Variants in AJAP1 observed in about 807,000 individuals in gnomAD.
The protein encoded by AJAP1 is adherens junctions associated protein 1.
AJAP1 carries 5 observed loss-of-function variants against 35.0 expected under a neutral mutation model. The observed-to-expected ratio is 0.14, with a 90% CI of 0.07 to 0.30. The LOEUF (loss-of-function observed/expected upper bound fraction) is 0.30. Ranked by LOEUF, AJAP1 falls within the 10% of genes least tolerant of loss-of-function variation. AJAP1 has a pLI of 1.00. For synonymous variants in AJAP1, 284 were observed against 249.3 expected, an observed-to-expected ratio of 1.14 and a Z score of -1.31; for missense variants, 586 against 571.0, an observed-to-expected ratio of 1.03 and a Z score of -0.27.
At chr1:4,714,399 C>T (rs1242438554) in intron 2 of AJAP1, among the ~76,000 whole-genome samples, 1 of 152,192 alleles carries the variant, frequency 6.6e-6, no homozygotes, top group African/African-American at 2.4e-5. Context: ...ACTCAGCAGC[C>T]ATCATCATAG....
chr1:4,738,044 A>G (rs1202197066), intron 2 of AJAP1, among the ~76,000 whole-genome samples: 1 of 152,238 alleles, frequency 6.6e-6, no homozygotes, highest in South Asian at 2.1e-4. Flanking sequence ...CCTGGGGGAA[A>G]CAGCTTCCCA....
At chr1:4,665,058 C>G (rs547858813) in intron 1 of AJAP1, among the ~76,000 whole-genome samples, 1 of 151,976 alleles carries the variant, frequency 6.6e-6, no homozygotes, top group Admixed American at 6.6e-5. Context: ...TGGTAAAATG[C>G]GGAAAAAGCC....
chr1:4,711,479 A>G (rs1014848790), intron 1 of AJAP1, among the ~76,000 whole-genome samples: 2 of 152,184 alleles, frequency 1.3e-5, no homozygotes, highest in African/African-American at 4.8e-5. Flanking sequence ...CGCTGCTGCC[A>G]TCCTCTCACT....
intron 1 of AJAP1, among the ~76,000 whole-genome samples, chr1:4,702,179 C>A (rs554574323): frequency 6.6e-6 from 1 of 151,696 alleles, no homozygotes. Context: ...CCCAATATTC[C>A]AGCGTGTCCC....
At chr1:4,664,502 G>T (rs1035482602) in intron 1 of AJAP1, among the ~76,000 whole-genome samples, 9 of 152,172 alleles carry the variant, frequency 5.9e-5, no homozygotes, top group Non-Finnish European at 1.3e-4. Flanking sequence ...GGGCCCAAGG[G>T]TCAGCCCTGC....
At chr1:4,696,638 C>A (rs1313663380) in intron 1 of AJAP1, among the ~76,000 whole-genome samples, 1 of 152,228 alleles carries the variant, frequency 6.6e-6, no homozygotes, top group Non-Finnish European at 1.5e-5. Flanking sequence ...GCAGAGGGAA[C>A]CTTGCAAGGA....
At position 4,792,214 on chromosome 1, in the gene AJAP1, C is replaced by T. The variant is rs959383641; in HGVS notation, c.*9729C>T. On this transcript the variant is annotated 3_prime_UTR_variant, in exon 6 of 6. Coordinates refer to ENST00000378191, the MANE Select transcript of AJAP1 (RefSeq NM_018836.4). ...TCTATACCACAGCTGTCTCTATAGA[C>T]GTATTTATATATCATCTTCTTGAGA... The T allele has an allele frequency of 6.6e-6, 1 of 151,732 alleles. No individual in the cohort carries two copies. Among genetic ancestry groups the T allele is most frequent in the African/African-American group, 2.4e-5 (1 of 41,304 alleles). 9.4% of individuals were successfully genotyped at this position (151,732 alleles called of 1,614,324 possible).
intron 2 of AJAP1, among the ~76,000 whole-genome samples, chr1:4,763,955 C>A (rs1360677740): frequency 2.0e-5 from 3 of 151,650 alleles, no homozygotes; most frequent in Admixed American, 1.3e-4. Context: ...GGTTCTTGGG[C>A]CTTTAGACTC....
In AJAP1 at chr1:4,734,439, G is replaced by A. The variant is rs979675638; in HGVS notation, c.829+21740G>A. 6.6e-6 allele frequency among the ~76,000 whole-genome samples: 1 copy of A among 152,210 alleles called. No homozygotes were observed. Among genetic ancestry groups the A allele is most frequent in the Non-Finnish European group, 1.5e-5 (1 of 68,030 alleles). ...CGAGAGGTTAAGTGACTTGCCTGAG[G>A]TCACACAGCCTGAAGGGGGTGGAGT... On this transcript the variant is annotated intron_variant, in intron 2 of 5. Transcript: ENST00000378191. The surrounding 1 kb of genome is among the most constrained non-coding windows in gnomAD (Gnocchi z 4.3).
chr1:4,693,684 C>T lies in AJAP1; in HGVS notation c.30-18216C>T, dbSNP rs1197357967. 3.3e-5 allele frequency among the ~76,000 whole-genome samples: 5 copies of T among 152,220 alleles called. No homozygotes were observed. ...TTTTATAAAAAGCAGAGATTTATTT[C>T]TCACAGTTCTGGAGGCTGGGGCACC... On this transcript the variant is annotated intron_variant, in intron 1 of 5. Coordinates refer to ENST00000378191, the MANE Select transcript of AJAP1 (RefSeq NM_018836.4). The surrounding 1 kb of genome is among the most constrained non-coding windows in gnomAD (Gnocchi z 4.4).
rs146159062 is a variant in AJAP1 at position 4,712,422 on chromosome 1, G to A, written c.552G>A (p.Gly184=). 8 of 1,601,054 alleles carry A rather than the reference G, an allele frequency of 5.0e-6. No homozygotes were observed. In the East Asian group the frequency reaches 1.1e-4, roughly 23 times the overall value. The change falls in exon 2 of 6, where the codon GGG becomes GGA. Residue 184 remains glycine, a synonymous_variant. Coordinates refer to ENST00000378191, the MANE Select transcript of AJAP1 (RefSeq NM_018836.4). ...CAGAGACTGAGTTCATCGCCTGGGG[G>A]CCCACGGGGGACGAGGAGGCCCTGG... ...PTTETEFIAW[G]PTGDEEALES...
chr1:4,726,843 T>A (rs1357930167), intron 2 of AJAP1, among the ~76,000 whole-genome samples: 1 of 152,110 alleles, frequency 6.6e-6, no homozygotes, highest in Non-Finnish European at 1.5e-5. Context: ...CCCTGGGGGA[T>A]GGGGCTGCCT....
intron 1 of AJAP1, among the ~76,000 whole-genome samples, chr1:4,701,480 G>C (rs900140176): frequency 6.6e-6 from 1 of 152,190 alleles, no homozygotes; most frequent in Non-Finnish European, 1.5e-5. Context: ...TTTCCTCTTG[G>C]AGATGAGACC....
At chr1:4,658,436 G>A (rs559654785) in intron 1 of AJAP1, among the ~76,000 whole-genome samples, 4 of 152,350 alleles carry the variant, frequency 2.6e-5, no homozygotes, top group African/African-American at 9.6e-5. Flanking sequence ...GGCAGCTGGG[G>A]CTGTGCAGCC....
intron 2 of AJAP1, among the ~76,000 whole-genome samples, chr1:4,736,412 C>A (rs1640924832): frequency 6.6e-6 from 1 of 152,192 alleles, no homozygotes; most frequent in Admixed American, 6.5e-5. Context: ...CACATCTTAC[C>A]CCCTCCCAGC....
chr1:4,694,042 G>A (rs903811450), intron 1 of AJAP1, among the ~76,000 whole-genome samples: 1 of 152,198 alleles, frequency 6.6e-6, no homozygotes, highest in South Asian at 2.1e-4. Context: ...GGGTAGACCC[G>A]TGTTGGGGCT....
intron 2 of AJAP1, among the ~76,000 whole-genome samples, chr1:4,758,262 G>A (rs1377656203): frequency 1.3e-5 from 2 of 152,174 alleles, no homozygotes; most frequent in Non-Finnish European, 2.9e-5. Flanking sequence ...GTCTCCTTGG[G>A]AGACTGTCAG....
chr1:4,697,039 C>T (rs1034108879), intron 1 of AJAP1, among the ~76,000 whole-genome samples: 1 of 151,650 alleles, frequency 6.6e-6, no homozygotes, highest in Non-Finnish European at 1.5e-5. Context: ...TGTGTGTGCA[C>T]CTGTGTTTGT....
chr1:4,738,642 CT>C, intron 2 of AJAP1, among the ~76,000 whole-genome samples: 1 of 152,272 alleles, frequency 6.6e-6, no homozygotes, highest in African/African-American at 2.4e-5. Flanking sequence ...TGTGCAGAGA[CT>C]AGGAGAAGCC....
Sources: gnomAD v4.1 joint callset for allele counts (sites outside exome capture counted in the v4.1 genomes callset) on GRCh38, gnomAD v4.1.1 for gene constraint, Gnocchi (gnomAD v3.1) non-coding constraint, MANE v1.5 for transcripts, NCBI Gene and HGNC (gene_info 2026-07-23, HGNC 2026-07-21) for gene names.